BHLHA15: variants seen among roughly 807,000 people sequenced by gnomAD.
BHLHA15 encodes class A basic helix-loop-helix protein 15.
A neutral mutation model predicts 10.4 loss-of-function variants in BHLHA15; 7 were observed. That is an observed-to-expected ratio of 0.67 (90% confidence interval 0.38 to 1.26). The LOEUF (loss-of-function observed/expected upper bound fraction) is 1.26. Ranked by LOEUF, BHLHA15 falls within the 50% of genes most tolerant of loss-of-function variation. BHLHA15 has a pLI of 0.02. For missense variants in BHLHA15, 289 were observed against 287.4 expected, an observed-to-expected ratio of 1.01 and a Z score of -0.04; for synonymous variants, 140 against 131.5, an observed-to-expected ratio of 1.06 and a Z score of -0.44.
Position 98,212,879 on chromosome 7 carries a change from G to T in BHLHA15, c.570G>T (p.Ter190TyrextTer106). The change falls in exon 2 of 2, where the codon TAG becomes TAT. Residue 190 changes from the stop codon to tyrosine, a stop_lost. Transcript: ENST00000609256. ...TQIHSFREGT[*>Y] The stretch of plus-strand genomic sequence containing the variant: ...TCCACAGCTTCCGAGAGGGCACCTA[G>T]CGCCCAGTCCTGGGTGGGGGTGGCG... 6.5e-7 allele frequency: 1 copy of T among 1,531,602 alleles called. No individual in the cohort carries two copies. Among genetic ancestry groups the T allele is most frequent in the Non-Finnish European group, 8.7e-7 (1 of 1,144,390 alleles). 94.9% of individuals were successfully genotyped at this position (1,531,602 alleles called of 1,614,324 possible).
At position 98,213,400 on chromosome 7, in the gene BHLHA15, CTCGGGG is replaced by C. The variant is rs1797938932; in HGVS notation, c.*522_*527del. ...ACAAGCCCGGCAGAGCCTAAGGCTG[CTCGGGG>C]AGTGGGGCCAATCAGAGATGATTGG... On this transcript the variant is annotated 3_prime_UTR_variant, in exon 2 of 2. Transcript: ENST00000609256. 6.6e-6 allele frequency among the ~76,000 whole-genome samples: 1 copy of C among 152,220 alleles called. No homozygotes were observed. The highest frequency in any genetic ancestry group is 2.4e-5 in the African/African-American group (1 of 41,464).
Position 98,211,720 on chromosome 7 carries a change from C to T in BHLHA15, c.-55+222C>T, listed in dbSNP as rs953115229. ...CTGACCTCCACGGCTGCCCCATGTC[C>T]GCAGCGGTTCTGGCCCCAGTGCTGT... On this transcript the variant is annotated intron_variant, in intron 1 of 1. Transcript: ENST00000609256. Among the ~76,000 whole-genome samples, 4 of 136,120 alleles carry T rather than the reference C, an allele frequency of 2.9e-5. No individual in the cohort carries two copies. The South Asian group carries it at 7.1e-4, about 24-fold the overall frequency. 89.3% of individuals were successfully genotyped at this position (136,120 alleles called of 152,430 possible).
rs991838288 is a variant in BHLHA15, at chr7:98,215,235, C to T, written c.*2356C>T. Reference sequence around the variant, plus strand: ...CCTGAGAGCTCCGAAGGCGCGATCCCCATCCCCACCAGTGGAGAAGCCAGA... The same window carrying T: ...CCTGAGAGCTCCGAAGGCGCGATCCTCATCCCCACCAGTGGAGAAGCCAGA... On this transcript the variant is annotated 3_prime_UTR_variant, in exon 2 of 2. Transcript: ENST00000609256. The T allele has an allele frequency of 6.6e-6, 1 of 152,266 alleles. No individual in the cohort carries two copies. The highest frequency in any genetic ancestry group is 2.1e-4 in the South Asian group (1 of 4,832). The allele number at this position is 152,266 out of a possible 1,614,324, so 9.4% of individuals were successfully genotyped here. A position where few individuals can be genotyped will look rare whatever the true frequency, so the allele number is the denominator to read the frequency against.
intron 1 of BHLHA15, 141 bp downstream of exon 1, chr7:98,211,639 GC>G (rs1245252764): frequency 1.3e-5 from 2 of 152,642 alleles, no homozygotes; most frequent in East Asian, 3.9e-4. Context: ...GCTCCACGGG[GC>G]CCATCCACGT....
rs1188931625 is a variant in BHLHA15, at chr7:98,212,678, C to T, written c.369C>T (p.Tyr123=). ...KIETLTLAKN[Y]IKSLTATILT... ...AGACGCTCACGCTGGCCAAGAACTA[C>T]ATCAAATCGCTGACGGCCACCATCC... The change falls in exon 2 of 2, where the codon TAC becomes TAT. Residue 123 remains tyrosine (Y), a synonymous_variant. Transcript: ENST00000609256. 1 of 1,580,572 alleles carries T rather than the reference C, an allele frequency of 6.3e-7. No individual in the cohort carries two copies. Among genetic ancestry groups the T allele is most frequent in the Non-Finnish European group, 8.6e-7 (1 of 1,164,384 alleles).
At chr7:98,212,122 TC>T (rs1797914270) in intron 1 of BHLHA15, 133 bp from the exon 2 acceptor site, 1 of 479,828 alleles carries the variant, frequency 2.1e-6, no homozygotes, top group East Asian at 3.7e-5. Context: ...CAGAAGGACC[TC>T]CAGTCGCAGA....
chr7:98,212,619 C>T lies in BHLHA15; in HGVS notation c.310C>T (p.His104Tyr). ...AFQALREVIP[H>Y]VRADKKLSKI... ...CCAGGCCCTGCGTGAAGTCATCCCC[C>T]ACGTGCGCGCGGACAAGAAGCTCTC... Residue 104 changes from histidine to tyrosine, a missense_variant, in exon 2 of 2, where the codon CAC (histidine) becomes TAC (tyrosine). By Grantham distance (83) the His-to-Tyr change is moderately conservative. Coordinates refer to ENST00000609256, the MANE Select transcript of BHLHA15 (RefSeq NM_177455.4). 2 of 1,606,848 alleles carry T rather than the reference C, an allele frequency of 1.2e-6. No individual in the cohort carries two copies. Among genetic ancestry groups the T allele is most frequent in the Non-Finnish European group, 1.7e-6 (2 of 1,177,716 alleles).
At position 98,212,917 on chromosome 7, in the gene BHLHA15, G is replaced by T; in HGVS notation, c.*38G>T. The T allele has an allele frequency of 2.0e-6, 3 of 1,495,902 alleles. No homozygotes were observed. Among genetic ancestry groups the T allele is most frequent in the Non-Finnish European group, 1.8e-6 (2 of 1,128,694 alleles). 92.7% of individuals were successfully genotyped at this position (1,495,902 alleles called of 1,614,324 possible). ...GGTGGGGGTGGCGGTGGCCGCAGCT[G>T]CCTGGCCTGCTCCTCCCAGCCCCAG... On this transcript the variant is annotated 3_prime_UTR_variant, in exon 2 of 2. Transcript: ENST00000609256.
At chr7:98,212,183 C>A (rs1797915174) in intron 1 of BHLHA15, 73 bp from the exon 2 acceptor site, 1 of 905,296 alleles carries the variant, frequency 1.1e-6, no homozygotes, top group Non-Finnish European at 1.5e-6. Flanking sequence ...GAGGAGGCTG[C>A]CAGGGACGGC....
Position 98,214,172 on chromosome 7 carries a change from C to A in BHLHA15, c.*1293C>A, listed in dbSNP as rs959698155. Reference sequence around the variant, plus strand: ...GGCCCGTCCCCACCAGGTGGCCCTGCCCTCCCCAAGTTGGGGGTTGTGGCA... The same window carrying A: ...GGCCCGTCCCCACCAGGTGGCCCTGACCTCCCCAAGTTGGGGGTTGTGGCA... On this transcript the variant is annotated 3_prime_UTR_variant, in exon 2 of 2. Coordinates refer to ENST00000609256, the MANE Select transcript of BHLHA15 (RefSeq NM_177455.4). 7.5e-5 allele frequency among the ~76,000 whole-genome samples: 11 copies of A among 146,956 alleles called. No individual in the cohort carries two copies. Among genetic ancestry groups the A allele is most frequent in the Non-Finnish European group, 1.5e-5 (1 of 68,032 alleles).
rs181997106 is a variant in BHLHA15, at chr7:98,213,051, C to T, written c.*172C>T. On this transcript the variant is annotated 3_prime_UTR_variant, in exon 2 of 2. Coordinates refer to ENST00000609256, the MANE Select transcript of BHLHA15 (RefSeq NM_177455.4). ...AGCCACTTCCCTGGAGCAATTTTTC[C>T]TGCCCCGCTGGGGACCAGCGAGTGG... The T allele has an allele frequency of 9.3e-4, 607 of 656,038 alleles. 1 individual carries two copies. The highest frequency in any genetic ancestry group is 1.3e-3 in the Non-Finnish European group (528 of 409,408). 40.6% of individuals were successfully genotyped at this position (656,038 alleles called of 1,614,324 possible).
chr7:98,212,094 C>T (rs1316069986), intron 1 of BHLHA15, among the ~76,000 whole-genome samples, 162 bp from the exon 2 acceptor site: 1 of 152,082 alleles, frequency 6.6e-6, no homozygotes, highest in East Asian at 1.9e-4. Flanking sequence ...GGGGTCAGCC[C>T]AGGGCTAAGC....
Position 98,215,073 on chromosome 7 carries a change from C to G in BHLHA15, c.*2194C>G, listed in dbSNP as rs1055831842. 3 of 152,334 alleles carry G rather than the reference C, an allele frequency of 2.0e-5. No homozygotes were observed. Among genetic ancestry groups the G allele is most frequent in the Non-Finnish European group, 4.4e-5 (3 of 68,108 alleles). 9.4% of individuals were successfully genotyped at this position (152,334 alleles called of 1,614,324 possible). On this transcript the variant is annotated 3_prime_UTR_variant, in exon 2 of 2. Coordinates refer to ENST00000609256, the MANE Select transcript of BHLHA15 (RefSeq NM_177455.4). ...GATCCTTTTATCCCGTGGGGAGCCCCTGCCTCGGCCATCGGGATGAGGTCC... is the reference window on the plus strand; with the variant it reads ...GATCCTTTTATCCCGTGGGGAGCCCGTGCCTCGGCCATCGGGATGAGGTCC...
In BHLHA15 at chr7:98,212,507, C is replaced by T. The variant is rs374862317; in HGVS notation, c.198C>T (p.Pro66=). 51 of 1,573,174 alleles carry T rather than the reference C, an allele frequency of 3.2e-5. No individual in the cohort carries two copies. The African/African-American group carries it at 3.5e-4, about 11-fold the overall frequency. Residue 66 remains proline (P), a synonymous_variant, in exon 2 of 2, where the codon CCC becomes CCT. Coordinates refer to ENST00000609256, the MANE Select transcript of BHLHA15 (RefSeq NM_177455.4). ...GCAGGCGGCCAGGACCCTCCGGGCC[C>T]GGTGGCCGTCGTGACAGCAGCATCC... The part of the protein sequence containing the change: ...GRRRRPGPSG[P]GGRRDSSIQR...
rs1328495159 is a variant in BHLHA15, at chr7:98,212,428, G to T, written c.119G>T (p.Gly40Val). 1 of 1,518,998 alleles carries T rather than the reference G, an allele frequency of 6.6e-7. No individual in the cohort carries two copies. Among genetic ancestry groups the T allele is most frequent in the Non-Finnish European group, 8.8e-7 (1 of 1,134,206 alleles). 94.1% of individuals were successfully genotyped at this position (1,518,998 alleles called of 1,614,324 possible). A position where few individuals can be genotyped will look rare whatever the true frequency, so the allele number is the denominator to read the frequency against. ...AACCCGGGGCCAGAGCCGGCCAAGG[G>T]TCTGCGGAGCCGGCCGGCCCGGGCC... ...LPNPGPEPAK[G>V]LRSRPARAAA... Residue 40 changes from glycine to valine, a missense_variant, in exon 2 of 2, where the codon GGT (glycine) becomes GTT (valine). By Grantham distance (109) the Gly-to-Val change is moderately radical (BLOSUM62 -3). Coordinates refer to ENST00000609256, the MANE Select transcript of BHLHA15 (RefSeq NM_177455.4).
rs1169647639 is a variant in BHLHA15, at chr7:98,213,154, C to A, written c.*275C>A. On this transcript the variant is annotated 3_prime_UTR_variant, in exon 2 of 2. Coordinates refer to ENST00000609256, the MANE Select transcript of BHLHA15 (RefSeq NM_177455.4). Reference sequence around the variant, plus strand: ...AGGGCCCAGTTGGATCCTGATTTTTCATTGAGCCAGGCAGTCTCAGCCCGA... The same window carrying A: ...AGGGCCCAGTTGGATCCTGATTTTTAATTGAGCCAGGCAGTCTCAGCCCGA... Among the ~76,000 whole-genome samples, 2 of 152,212 alleles carry A rather than the reference C, an allele frequency of 1.3e-5. No homozygotes were observed. The highest frequency in any genetic ancestry group is 2.9e-5 in the Non-Finnish European group (2 of 68,030).
Position 98,212,601 on chromosome 7 carries a change from C to T in BHLHA15, c.292C>T (p.Leu98=). 6.2e-7 allele frequency: 1 copy of T among 1,607,626 alleles called. No homozygotes were observed. Among genetic ancestry groups the T allele is most frequent in the Non-Finnish European group, 8.5e-7 (1 of 1,178,190 alleles). Residue 98 remains leucine, a synonymous_variant, in exon 2 of 2, where the codon CTG becomes TTG. Transcript: ENST00000609256. Reference sequence around the variant, plus strand: ...CAAGCTAAATAACGCCTTCCAGGCCCTGCGTGAAGTCATCCCCCACGTGCG... The same window carrying T: ...CAAGCTAAATAACGCCTTCCAGGCCTTGCGTGAAGTCATCCCCCACGTGCG... The part of the protein sequence containing the change: ...MHKLNNAFQA[L]REVIPHVRAD...
In BHLHA15 at chr7:98,215,121, T is replaced by A. The variant is rs1797972500; in HGVS notation, c.*2242T>A. 6.6e-6 allele frequency: 1 copy of A among 152,214 alleles called. No homozygotes were observed. Among genetic ancestry groups the A allele is most frequent in the Non-Finnish European group, 1.5e-5 (1 of 68,056 alleles). 9.4% of individuals were successfully genotyped at this position (152,214 alleles called of 1,614,324 possible). Reference sequence around the variant, plus strand: ...TCCCTCAAGTCCCTGCACAAGCAGGTCAGAGACCCACCCACATGCCGTTCC... The same window carrying A: ...TCCCTCAAGTCCCTGCACAAGCAGGACAGAGACCCACCCACATGCCGTTCC... On this transcript the variant is annotated 3_prime_UTR_variant, in exon 2 of 2. Coordinates refer to ENST00000609256, the MANE Select transcript of BHLHA15 (RefSeq NM_177455.4).
rs759990067 is a variant in BHLHA15, at chr7:98,212,602, T to C, written c.293T>C (p.Leu98Pro). ...AAGCTAAATAACGCCTTCCAGGCCC[T>C]GCGTGAAGTCATCCCCCACGTGCGC... ...MHKLNNAFQA[L>P]REVIPHVRAD... Residue 98 changes from leucine to proline, a missense_variant, in exon 2 of 2, where the codon CTG becomes CCG. Physicochemically the swap from Leu to Pro is moderately conservative, Grantham distance 98. Transcript: ENST00000609256. The C allele has an allele frequency of 1.2e-6, 2 of 1,607,616 alleles. No individual in the cohort carries two copies. Among genetic ancestry groups the C allele is most frequent in the Admixed American group, 1.7e-5 (1 of 59,252 alleles).
Sources: allele counts gnomAD v4.1 joint callset (sites outside exome capture counted in the v4.1 genomes callset), GRCh38; gene constraint gnomAD v4.1.1; transcripts MANE v1.5; gene names NCBI Gene and HGNC (gene_info 2026-07-23, HGNC 2026-07-21).